The following BAZ1A variants were observed in gnomAD, a reference collection of about 807,000 sequenced individuals.
BAZ1A encodes the protein bromodomain adjacent to zinc finger domain 1A.
In BAZ1A, 50 loss-of-function variants were observed where a neutral mutation model predicts 185.2. The ratio of observed to expected loss-of-function variants is 0.27; its 90% CI spans 0.22 to 0.34. BAZ1A has a LOEUF of 0.34. BAZ1A is among the 10% of genes least tolerant of loss of function. BAZ1A has a pLI of 1.00. For synonymous variants in BAZ1A, 571 were observed against 615.6 expected (o/e 0.93, Z 1.07); for missense variants, 1,356 against 1,839.9 (o/e 0.74, Z 4.81).
At chr14:34,813,839 T>C (rs2041965599) in intron 4 of BAZ1A, among the ~76,000 whole-genome samples, 1 of 151,972 alleles carries the variant, frequency 6.6e-6, no homozygotes, top group Admixed American at 6.6e-5. Context: ...TTAGTTTAGT[T>C]TGCGACTAGC....
At chr14:34,803,505 A>C (rs544040521) in intron 6 of BAZ1A, among the ~76,000 whole-genome samples, 239 of 152,280 alleles carry the variant, frequency 1.6e-3, no homozygotes, top group African/African-American at 5.7e-3. Context: ...GCCTTACCAA[A>C]AAGAAAACCA....
rs187243952 is a variant in BAZ1A at position 34,798,573 on chromosome 14, G to A, written c.1128+1651C>T. Among the ~76,000 whole-genome samples the A allele has an allele frequency of 2.7e-4, 41 of 152,318 alleles. No homozygotes were observed. In the East Asian group the frequency reaches 4.6e-3, roughly 17 times the overall value. On this transcript the variant is annotated intron_variant, in intron 9 of 26. Coordinates refer to ENST00000360310, the MANE Select transcript of BAZ1A (RefSeq NM_013448.3). ...CAGGCAACCTCATCAAAAAATGAGC[G>A]AAGGACATGAACAGACACTTCTCAA...
intron 1 of BAZ1A, 105 bp downstream of exon 1, chr14:34,875,033 G>A: frequency 4.8e-6 from 1 of 208,322 alleles, no homozygotes; most frequent in South Asian, 5.3e-5. Context: ...CCAGCCCAAC[G>A]CCGCCAGAGC....
At chr14:34,818,530 A>C (rs1379524817) in intron 4 of BAZ1A, among the ~76,000 whole-genome samples, 1 of 152,232 alleles carries the variant, frequency 6.6e-6, no homozygotes, top group Non-Finnish European at 1.5e-5. Context: ...TCAACAGTTT[A>C]GTGTTCACTC....
At position 34,800,122 on chromosome 14, in the gene BAZ1A, G is replaced by T. The variant is rs979483179; in HGVS notation, c.1128+102C>A. On this transcript the variant is annotated intron_variant, in intron 9 of 26. Transcript: ENST00000360310. ...ACTTTCTATGCACATTCATAAATGT[G>T]AATGAAAGTAGTAAAAGCATTTAAA... is the stretch of plus-strand genomic sequence containing the variant. The T allele has an allele frequency of 3.7e-5, 42 of 1,123,676 alleles. 1 individual carries two copies. In the Middle Eastern group the frequency reaches 9.9e-4, roughly 26 times the overall value. The allele number at this position is 1,123,676 out of a possible 1,614,324, so 69.6% of individuals were successfully genotyped here. A position where few individuals can be genotyped will look rare whatever the true frequency, so the allele number is the denominator to read the frequency against.
intron 3 of BAZ1A, among the ~76,000 whole-genome samples, chr14:34,834,036 GAAC>G (rs1197037025): frequency 6.6e-6 from 1 of 152,056 alleles, no homozygotes; most frequent in Admixed American, 6.6e-5. Context: ...TTCTCAAGAG[GAAC>G]AACTACAGGA....
At position 34,826,023 on chromosome 14, in the gene BAZ1A, A is replaced by T. The variant is rs1182501694; in HGVS notation, c.526T>A (p.Phe176Ile). The T allele has an allele frequency of 1.3e-6, 2 of 1,560,674 alleles. No individual in the cohort carries two copies. The highest frequency in any genetic ancestry group is 4.0e-5 in the Admixed American group (2 of 49,562). ...ATAAAAATCACTTACCCATTTTGAA[A>T]AGAACAGCTTTGTGTTTCTGAATCA... ...SDDSETQSCS[F>I]QNGKKKDAID... The change falls in exon 4 of 27, where the codon TTT becomes ATT. Residue 176 changes from phenylalanine (F) to isoleucine (I), a missense_variant. This residue lies in a region of BAZ1A where 332 missense variants were observed against 395.3 expected (regional missense o/e 0.84). Transcript: ENST00000360310.
chr14:34,817,229 CA>C (rs2042019581), intron 4 of BAZ1A, among the ~76,000 whole-genome samples: 1 of 148,882 alleles, frequency 6.7e-6, no homozygotes, highest in South Asian at 2.2e-4. Context: ...TAAATCAATA[CA>C]CCCCCCCCCA....
intron 9 of BAZ1A, 119 bp downstream of exon 9, chr14:34,800,105 T>C: frequency 1.9e-6 from 2 of 1,033,586 alleles, no homozygotes; most frequent in Non-Finnish European, 2.6e-6. Flanking sequence ...CAACTTTCTA[T>C]GCACATTCAT....
intron 24 of BAZ1A, among the ~76,000 whole-genome samples, chr14:34,761,406 T>A (rs1886516071): frequency 6.6e-6 from 1 of 152,216 alleles, no homozygotes; most frequent in Non-Finnish European, 1.5e-5. Context: ...GTAGCTTGTC[T>A]AGGTGATGCT....
At position 34,869,047 on chromosome 14, in the gene BAZ1A, A is replaced by G. The variant is rs1023994099; in HGVS notation, c.113+5445T>C. 7.3e-5 allele frequency among the ~76,000 whole-genome samples: 11 copies of G among 151,420 alleles called. No individual in the cohort carries two copies. The East Asian group carries it at 1.9e-3, about 27-fold the overall frequency. ...CGGTGAAACCTCGTCTCTACTAAAA[A>G]TACAAAAAAATTAGCCAGGCTTGGT... On this transcript the variant is annotated intron_variant, in intron 2 of 26. Coordinates refer to ENST00000360310, the MANE Select transcript of BAZ1A (RefSeq NM_013448.3).
intron 3 of BAZ1A, among the ~76,000 whole-genome samples, chr14:34,850,817 A>T (rs888614392): frequency 6.6e-6 from 1 of 152,122 alleles, no homozygotes; most frequent in Non-Finnish European, 1.5e-5. Context: ...GTGGTTGCAA[A>T]ATGTAGACTT....
intron 3 of BAZ1A, among the ~76,000 whole-genome samples, chr14:34,845,859 C>CAAAAAAAA (rs3062591): frequency 8.7e-6 from 1 of 115,224 alleles, no homozygotes; most frequent in Non-Finnish European, 1.8e-5. Context: ...GACTCTGTCT[C>CAAAAAAAA]AAAAAAAAAA....
At chr14:34,859,884 G>A (rs1281522069) in intron 3 of BAZ1A, among the ~76,000 whole-genome samples, 3 of 152,102 alleles carry the variant, frequency 2.0e-5, no homozygotes, top group East Asian at 1.9e-4. Context: ...GAGTTGGGGA[G>A]TCTCTAGTCT....
chr14:34,837,056 A>C (rs2042341637), intron 3 of BAZ1A, among the ~76,000 whole-genome samples: 1 of 151,650 alleles, frequency 6.6e-6, no homozygotes, highest in South Asian at 2.1e-4. Flanking sequence ...TACAGGCATG[A>C]GCAACCATGC....
chr14:34,861,489 G>A (rs1035741281), intron 3 of BAZ1A, among the ~76,000 whole-genome samples: 2 of 152,122 alleles, frequency 1.3e-5, no homozygotes, highest in Non-Finnish European at 2.9e-5. Flanking sequence ...ATGAAAGAAG[G>A]AGAACTTAGT....
intron 25 of BAZ1A, among the ~76,000 whole-genome samples, chr14:34,755,296 A>G (rs953026071): frequency 2.0e-4 from 31 of 152,192 alleles, no homozygotes; most frequent in African/African-American, 6.8e-4. Flanking sequence ...GCTATTCAAT[A>G]TTAATTAATC....
chr14:34,779,876 A>G (rs750998244), intron 17 of BAZ1A, among the ~76,000 whole-genome samples: 9 of 152,228 alleles, frequency 5.9e-5, no homozygotes, highest in East Asian at 1.9e-4. Context: ...TAAAAATTCA[A>G]TGAAGCTTGA....
intron 18 of BAZ1A, 45 bp downstream of exon 18, chr14:34,775,873 TA>T (rs779569001): frequency 4.1e-6 from 6 of 1,459,000 alleles, no homozygotes; most frequent in East Asian, 4.6e-5. Context: ...GACCAGAGAT[TA>T]GGGGGAGGGA....
Sources: gnomAD v4.1 joint callset for allele counts (sites outside exome capture counted in the v4.1 genomes callset) on GRCh38, gnomAD v4.1.1 for gene constraint, gnomAD v4.1.1 regional missense constraint, MANE v1.5 for transcripts, NCBI Gene and HGNC (gene_info 2026-07-23, HGNC 2026-07-21) for gene names.